ZFP30: variants seen among roughly 807,000 people sequenced by gnomAD.
ZFP30 encodes the protein ZFP30 zinc finger protein.
In ZFP30, 16 loss-of-function variants were observed where a neutral mutation model predicts 12.3. That is an observed-to-expected ratio of 1.30 (90% CI 0.88 to 1.98). The LOEUF is 1.98. Ranked by LOEUF, ZFP30 falls within the 30% of genes most tolerant of loss-of-function variation. ZFP30 has a pLI of 0.00. For synonymous variants in ZFP30, 172 were observed against 201.0 expected, an observed-to-expected ratio of 0.86 and a Z score of 1.22; for missense variants, 560 against 611.2, an observed-to-expected ratio of 0.92 and a Z score of 0.88.
intron 5 of ZFP30, among the ~76,000 whole-genome samples, chr19:37,643,052 C>CAAAAAAAAAAAAAA (rs951396776): frequency 1.6e-5 from 1 of 61,438 alleles, no homozygotes; most frequent in African/African-American, 6.7e-5. Flanking sequence ...GACTCCGTCT[C>CAAAAAAAAAAAAAA]AAAAAAAAAA....
chr19:37,634,936 C>T lies in ZFP30; in HGVS notation c.*45G>A. 1 of 1,496,520 alleles carries T rather than the reference C, an allele frequency of 6.7e-7. No homozygotes were observed. Among genetic ancestry groups the T allele is most frequent in the Non-Finnish European group, 8.9e-7 (1 of 1,127,034 alleles). The allele number at this position is 1,496,520 out of a possible 1,614,324, so 92.7% of individuals were successfully genotyped here. ...AAAACCTTTCCTCTAGAATGTACTT[C>T]CTATGCTCAACATAAAATTCGCAAA... On this transcript the variant is annotated 3_prime_UTR_variant, in exon 6 of 6. Transcript: ENST00000684514.
chr19:37,646,483 C>A (rs1009389595), intron 3 of ZFP30, among the ~76,000 whole-genome samples: 2 of 152,002 alleles, frequency 1.3e-5, no homozygotes, highest in Admixed American at 6.6e-5. Flanking sequence ...AAAATATATA[C>A]CAGATACCAG....
At chr19:37,651,668 T>C (rs1974628098) in intron 2 of ZFP30, 1 of 152,148 alleles carries the variant, frequency 6.6e-6, no homozygotes, top group Non-Finnish European at 1.5e-5. Flanking sequence ...TTCAAATACC[T>C]GTATCCCACC....
chr19:37,637,544 G>A (rs933717266), intron 5 of ZFP30, among the ~76,000 whole-genome samples: 1 of 152,004 alleles, frequency 6.6e-6, no homozygotes, highest in Non-Finnish European at 1.5e-5. Flanking sequence ...AAGCTGAAGT[G>A]CAGTGGCATG....
intron 5 of ZFP30, among the ~76,000 whole-genome samples, chr19:37,640,804 C>T (rs577112454): frequency 2.0e-5 from 3 of 152,026 alleles, no homozygotes; most frequent in Non-Finnish European, 2.9e-5. Flanking sequence ...TTGTCATCCC[C>T]GGAGGTATGC....
At chr19:37,645,074 G>A (rs1346598531) in intron 3 of ZFP30, among the ~76,000 whole-genome samples, 4 of 152,032 alleles carry the variant, frequency 2.6e-5, no homozygotes, top group Non-Finnish European at 5.9e-5. Flanking sequence ...GCATGGTGGC[G>A]GGCGCCTGTA....
At position 37,635,091 on chromosome 19, in the gene ZFP30, G is replaced by A; in HGVS notation, c.1450C>T (p.His484Tyr). ...AFRLHSSLIQ[H>Y]QRIHSGEKPY... ...TTCTCACCAGAATGAATTCTCTGAT[G>A]TTGAATCAGTGATGAATGAAGTCTA... Residue 484 changes from histidine (H) to tyrosine (Y), a missense_variant, in exon 6 of 6, where the codon CAT becomes TAT. His to Tyr is a moderately conservative substitution (Grantham distance 83). Transcript: ENST00000684514. 3.1e-6 allele frequency: 5 copies of A among 1,613,630 alleles called. No homozygotes were observed. The highest frequency in any genetic ancestry group is 4.2e-6 in the Non-Finnish European group (5 of 1,179,778).
At chr19:37,638,997 A>G (rs1654784910) in intron 5 of ZFP30, among the ~76,000 whole-genome samples, 1 of 152,194 alleles carries the variant, frequency 6.6e-6, no homozygotes, top group Non-Finnish European at 1.5e-5. Context: ...TATACGCTAA[A>G]AAGATAGTAA....
rs1487542888 is a variant in ZFP30 at position 37,635,324 on chromosome 19, C to A, written c.1217G>T (p.Gly406Val). 2 of 1,613,910 alleles carry A rather than the reference C, an allele frequency of 1.2e-6. No homozygotes were observed. The highest frequency in any genetic ancestry group is 1.7e-6 in the Non-Finnish European group (2 of 1,179,970). Residue 406 changes from glycine (G) to valine (V), a missense_variant, in exon 6 of 6, where the codon GGA (glycine) becomes GTA (valine). Coordinates refer to ENST00000684514, the MANE Select transcript of ZFP30 (RefSeq NM_001320669.3). ...ELISHQGIHI[G>V]EKPYECKECG... is the part of the protein sequence containing the mutation. Reference sequence around the variant, plus strand: ...TTCCTTACATTCATAAGGTTTCTCTCCAATGTGAATACCCTGATGTGAAAT... The same window carrying A: ...TTCCTTACATTCATAAGGTTTCTCTACAATGTGAATACCCTGATGTGAAAT...
At chr19:37,645,942 A>G (rs1470426694) in intron 3 of ZFP30, among the ~76,000 whole-genome samples, 1 of 152,222 alleles carries the variant, frequency 6.6e-6, no homozygotes, top group Non-Finnish European at 1.5e-5. Context: ...TGCATGATAC[A>G]GTAGTTCTCC....
chr19:37,651,674 C>A (rs1032305200), intron 2 of ZFP30: 1 of 152,000 alleles, frequency 6.6e-6, no homozygotes, highest in Admixed American at 6.6e-5. Flanking sequence ...TACCTGTATC[C>A]CACCTGGCAA....
In ZFP30 at chr19:37,635,394, C is replaced by A; in HGVS notation, c.1147G>T (p.Glu383Ter). The A allele has an allele frequency of 6.2e-7, 1 of 1,614,126 alleles. No individual in the cohort carries two copies. The highest frequency in any genetic ancestry group is 8.5e-7 in the Non-Finnish European group (1 of 1,180,018). The change falls in exon 6 of 6, where the codon GAA (glutamate) becomes TAA (stop). Residue 383 changes from glutamate to a stop codon, truncating the protein, a stop_gained. Transcript: ENST00000684514. LOFTEE classifies it low-confidence loss of function (END_TRUNC). ...QRIHTGEKPY[E>*]CKECQKFFRR... ...AAGAACTTCTGACATTCCTTACATT[C>A]ATAGGGCTTTTCACCAGTATGTATT...
At position 37,635,649 on chromosome 19, in the gene ZFP30, A is replaced by C; in HGVS notation, c.892T>G (p.Tyr298Asp). The C allele has an allele frequency of 6.2e-7, 1 of 1,614,176 alleles. No homozygotes were observed. Among genetic ancestry groups the C allele is most frequent in the Non-Finnish European group, 8.5e-7 (1 of 1,180,036 alleles). ...GCCTGACCACATTCCTTACACTCAT[A>C]GCACTTCTCAGCAATGTTCAGTCTC... ...HQRLNIAEKC[Y>D]ECKECGQAFL... is the part of the protein sequence containing the mutation. The change falls in exon 6 of 6, where the codon TAT (tyrosine) becomes GAT (aspartate). Residue 298 changes from tyrosine to aspartate, a missense_variant. Transcript: ENST00000684514.
intron 5 of ZFP30, among the ~76,000 whole-genome samples, chr19:37,639,791 GTTT>G (rs1414459799): frequency 2.3e-5 from 2 of 88,828 alleles, no homozygotes; most frequent in Middle Eastern, 6.5e-3. Flanking sequence ...AAATTTGAAG[GTTT>G]TCATAAAAAA....
intron 5 of ZFP30, among the ~76,000 whole-genome samples, chr19:37,639,106 C>T (rs1025810735): frequency 2.0e-4 from 30 of 152,096 alleles, no homozygotes; most frequent in Admixed American, 1.9e-3. Flanking sequence ...TTCTCTCTCT[C>T]TGTCTCTTTC....
At chr19:37,646,962 TAAATA>T (rs1334152388) in intron 3 of ZFP30, among the ~76,000 whole-genome samples, 3 of 152,164 alleles carry the variant, frequency 2.0e-5, no homozygotes, top group Non-Finnish European at 2.9e-5. Context: ...CATATTGGGT[TAAATA>T]AAAGACATTA....
intron 5 of ZFP30, among the ~76,000 whole-genome samples, chr19:37,637,617 G>A (rs1181883404): frequency 6.6e-6 from 1 of 151,950 alleles, no homozygotes; most frequent in Non-Finnish European, 1.5e-5. Flanking sequence ...AGCCTCCCAA[G>A]TAACTGGGAT....
intron 2 of ZFP30, among the ~76,000 whole-genome samples, chr19:37,651,990 A>G (rs1292032685): frequency 6.6e-6 from 1 of 152,212 alleles, no homozygotes; most frequent in African/African-American, 2.4e-5. Context: ...AGGGAAACAG[A>G]CTTGAACAGA....
chr19:37,640,224 G>T (rs2044407680), intron 5 of ZFP30, among the ~76,000 whole-genome samples: 1 of 152,002 alleles, frequency 6.6e-6, no homozygotes, highest in Admixed American at 6.6e-5. Flanking sequence ...GTTGAAATGG[G>T]AAAGAATAGC....
Sources: gnomAD v4.1 joint callset for allele counts (sites outside exome capture counted in the v4.1 genomes callset) on GRCh38, gnomAD v4.1.1 for gene constraint, MANE v1.5 for transcripts, NCBI Gene and HGNC (gene_info 2026-07-23, HGNC 2026-07-21) for gene names.